The following ACIN1 variants were observed in gnomAD, a reference collection of about 807,000 sequenced individuals.
ACIN1 encodes the protein apoptotic chromatin condensation inducer 1.
Under a neutral mutation model 146.6 loss-of-function variants are expected in ACIN1, and 16 were observed. The ratio of observed to expected loss-of-function variants is 0.11; its 90% confidence interval spans 0.07 to 0.17. ACIN1 has a LOEUF of 0.17. ACIN1 is among the 10% of genes least tolerant of loss of function. The pLI, the probability that ACIN1 is intolerant of heterozygous loss-of-function variation, is 1.00. For missense variants in ACIN1, 1,357 were observed against 1,609.3 expected (o/e 0.84, Z 2.68); for synonymous variants, 569 against 582.7 (o/e 0.98, Z 0.34).
intron 3 of ACIN1, 77 bp from the exon 4 acceptor site, chr14:23,090,178 A>G: frequency 6.5e-7 from 1 of 1,539,004 alleles, no homozygotes; most frequent in Non-Finnish European, 8.8e-7. Flanking sequence ...GGAGTGAAGG[A>G]GGTCAGGCAA....
At chr14:23,081,918 C>A in intron 4 of ACIN1, 82 bp from the exon 5 acceptor site, 1 of 1,099,158 alleles carries the variant, frequency 9.1e-7, no homozygotes, top group East Asian at 2.4e-5. Flanking sequence ...TTTCTAATAT[C>A]CAACCAATTA....
At position 23,080,660 on chromosome 14, in the gene ACIN1, A is replaced by C; in HGVS notation, c.675T>G (p.Asp225Glu). ...EEEEEEEEED[D>E]EEEEGDDEGQ... The stretch of plus-strand genomic sequence containing the variant: ...CCTCATCATCACCTTCCTCTTCTTC[A>C]TCATCTTCTTCCTCCTCCTCCTCCT... The change falls in exon 6 of 19, where the codon GAT (aspartate) becomes GAG (glutamate). Residue 225 changes from aspartate (D) to glutamate (E), a missense_variant. This residue lies in a region of ACIN1 where 771 missense variants were observed against 746.6 expected (regional missense o/e 1.03). Coordinates refer to ENST00000605057, the MANE Select transcript of ACIN1 (RefSeq NM_001386863.1). 6.2e-7 allele frequency: 1 copy of C among 1,611,864 alleles called. No homozygotes were observed. The highest frequency in any genetic ancestry group is 1.1e-5 in the South Asian group (1 of 91,012).
chr14:23,090,208 C>T (rs1477670102), intron 3 of ACIN1, 107 bp from the exon 4 acceptor site: 8 of 1,445,508 alleles, frequency 5.5e-6, no homozygotes, highest in Non-Finnish European at 7.4e-6. Flanking sequence ...TACAGAGATA[C>T]ATACCAAAAA....
chr14:23,063,956 G>T, intron 12 of ACIN1, 149 bp downstream of exon 12: 1 of 1,014,018 alleles, frequency 9.9e-7, no homozygotes, highest in Non-Finnish European at 1.4e-6. Context: ...AGCTGGATTT[G>T]GTAGTCTGAC....
chr14:23,077,808 T>C (rs2047838652), intron 8 of ACIN1: 1 of 162,702 alleles, frequency 6.1e-6, no homozygotes, highest in African/African-American at 2.4e-5. Flanking sequence ...ACTGGGTTCC[T>C]AGGTAAACAT....
At position 23,079,673 on chromosome 14, in the gene ACIN1, T is replaced by A. The variant is rs764442558; in HGVS notation, c.1662A>T (p.Arg554Ser). 4.3e-6 allele frequency: 7 copies of A among 1,614,018 alleles called. No individual in the cohort carries two copies. In the Admixed American group the frequency reaches 1.0e-4, roughly 23 times the overall value. The change falls in exon 6 of 19, where the codon AGA becomes AGT. Residue 554 changes from arginine (R) to serine (S), a missense_variant. Physicochemically the swap from Arg to Ser is moderately radical, Grantham distance 110. Around this residue, in one of 4 missense-constraint regions of ACIN1, gnomAD observed 771 missense variants for 746.6 expected, o/e 1.03. Coordinates refer to ENST00000605057, the MANE Select transcript of ACIN1 (RefSeq NM_001386863.1). ...CATGAGTACGTGCCTGGGCTACATC[T>A]CTCTGCTTGGATCTGAGCGGTGAAT... ...RSHSPLRSKQ[R>S]DVAQARTHAN...
At position 23,080,636 on chromosome 14, in the gene ACIN1, C is replaced by T. The variant is rs1555373819; in HGVS notation, c.699G>A (p.Glu233=). 1.9e-5 allele frequency: 30 copies of T among 1,613,776 alleles called. 1 individual carries two copies. The South Asian group carries it at 3.3e-4, about 18-fold the overall frequency. The part of the protein sequence containing the change: ...EDDEEEEGDD[E]GQKSREAPIL... Reference sequence around the variant, plus strand: ...TTGGTGCCTCCCTAGATTTTTGTCCCTCATCATCACCTTCCTCTTCTTCAT... The same window carrying T: ...TTGGTGCCTCCCTAGATTTTTGTCCTTCATCATCACCTTCCTCTTCTTCAT... The change falls in exon 6 of 19, where the codon GAG becomes GAA. Residue 233 remains glutamate (E), a synonymous_variant. Transcript: ENST00000605057.
rs142652846 is a variant in ACIN1 at position 23,079,072 on chromosome 14, T to C, written c.1789-34A>G. ...AAATGAAACACATAACAAGGAAAAT[T>C]ATTGTATATGGTATATATTCAGTAG... On this transcript the variant is annotated intron_variant, in intron 6 of 18. Transcript: ENST00000605057. 2.2e-3 allele frequency: 3,424 copies of C among 1,589,180 alleles called. 10 individuals are homozygous for C. The highest frequency in any genetic ancestry group is 0.016 in the Middle Eastern group (93 of 5,972).
chr14:23,068,450 GTTC>G lies in ACIN1; in HGVS notation c.2265+1023_2265+1025del, dbSNP rs1013828559. On this transcript the variant is annotated intron_variant, in intron 9 of 18. Transcript: ENST00000605057. This position sits in a 1 kb window ranked among gnomAD's most constrained non-coding sequence, Gnocchi z 4.3. ...TCAATACAAGTCTCTCCAGAACAGT[GTTC>G]TTCTTGGCCCCCTGATGTAAGCAAG... The G allele has an allele frequency of 8.1e-6, 8 of 985,792 alleles. No homozygotes were observed. Among genetic ancestry groups the G allele is most frequent in the African/African-American group, 5.2e-5 (3 of 57,244 alleles). 61.1% of individuals were successfully genotyped at this position (985,792 alleles called of 1,614,324 possible). A position where few individuals can be genotyped will look rare whatever the true frequency, so the allele number is the denominator to read the frequency against.
intron 4 of ACIN1, among the ~76,000 whole-genome samples, chr14:23,086,754 T>C (rs1349743086): frequency 2.0e-5 from 3 of 152,160 alleles, no homozygotes; most frequent in South Asian, 2.1e-4. Flanking sequence ...GGATTACAGG[T>C]GTGAGACACC....
chr14:23,062,595 C>G, intron 14 of ACIN1, 72 bp from the exon 15 acceptor site: 4 of 1,398,974 alleles, frequency 2.9e-6, no homozygotes, highest in Non-Finnish European at 4.1e-6. Flanking sequence ...ATTTCCCGAG[C>G]TGCTGTCACA....
Position 23,061,492 on chromosome 14 carries a change from T to C in ACIN1, c.3230A>G (p.Gln1077Arg). 1 of 1,353,368 alleles carries C rather than the reference T, an allele frequency of 7.4e-7. No homozygotes were observed. Among genetic ancestry groups the C allele is most frequent in the Non-Finnish European group, 9.8e-7 (1 of 1,018,616 alleles). 83.8% of individuals were successfully genotyped at this position (1,353,368 alleles called of 1,614,324 possible). A position where few individuals can be genotyped will look rare whatever the true frequency, so the allele number is the denominator to read the frequency against. Residue 1077 changes from glutamine to arginine, a missense_variant, in exon 17 of 19, where the codon CAG becomes CGG. Around this residue, in one of 4 missense-constraint regions of ACIN1, gnomAD observed 509 missense variants for 719.6 expected, o/e 0.71. Transcript: ENST00000605057. ...CCGCACTGCCCGTTCCTGCTCCCGCTGCTCTGCCCGGGGGTGCTGTGGTGG... is the reference window on the plus strand; with the variant it reads ...CCGCACTGCCCGTTCCTGCTCCCGCCGCTCTGCCCGGGGGTGCTGTGGTGG... ...VQPPQHPRAE[Q>R]REQERAVREQ...
At chr14:23,066,192 G>A (rs1175460732) in intron 9 of ACIN1, 184 bp from the exon 10 acceptor site, 5 of 548,566 alleles carry the variant, frequency 9.1e-6, no homozygotes, top group Admixed American at 3.4e-5. Context: ...CGGCAAAAAC[G>A]AAGCAGAATC....
rs1277512339 is a variant in ACIN1, at chr14:23,067,190, A to G, written c.2266-1182T>C. On this transcript the variant is annotated intron_variant, in intron 9 of 18. Transcript: ENST00000605057. The surrounding 1 kb of genome is among the most constrained non-coding windows in gnomAD (Gnocchi z 4.6). ...GGAAAAACATGAACCAAATAAATAA[A>G]TAAAAGAAATCAGAAAAAATAAAGA... The G allele has an allele frequency of 4.3e-6, 3 of 694,496 alleles. No individual in the cohort carries two copies. Among genetic ancestry groups the G allele is most frequent in the Non-Finnish European group, 5.3e-6 (3 of 564,722 alleles). The allele number at this position is 694,496 out of a possible 1,614,324, so 43.0% of individuals were successfully genotyped here.
At chr14:23,095,613 A>G (rs552674221), upstream of ACIN1, 19 of 331,452 alleles carry the variant, frequency 5.7e-5, no homozygotes, top group Admixed American at 7.4e-4. Flanking sequence ...TCGAGAGAAA[A>G]GGGGAGGTAA....
At chr14:23,061,266 T>G in intron 17 of ACIN1, 32 bp downstream of exon 17, 1 of 1,613,652 alleles carries the variant, frequency 6.2e-7, no homozygotes, top group Non-Finnish European at 8.5e-7. Context: ...CACCTACTAG[T>G]GGGTATGCGT....
chr14:23,061,589 G>T lies in ACIN1; in HGVS notation c.3133C>A (p.Pro1045Thr), dbSNP rs370910201. ...TGCTCCTCTGTCTTAGTTTCAGAGGGACGGTCCACCAAGAGGCCTCGGTGA... is the reference window on the plus strand; with the variant it reads ...TGCTCCTCTGTCTTAGTTTCAGAGGTACGGTCCACCAAGAGGCCTCGGTGA... Reference protein sequence around the residue: ...DYHRGLLVDRPSETKTEEQGI... With the variant: ...DYHRGLLVDRTSETKTEEQGI... The change falls in exon 17 of 19, where the codon CCC (proline) becomes ACC (threonine). Residue 1045 changes from proline (P) to threonine (T), a missense_variant. Pro to Thr is a conservative substitution (Grantham distance 38, BLOSUM62 -1). Around this residue, in one of 4 missense-constraint regions of ACIN1, gnomAD observed 509 missense variants for 719.6 expected, o/e 0.71. Coordinates refer to ENST00000605057, the MANE Select transcript of ACIN1 (RefSeq NM_001386863.1). 4.5e-6 allele frequency: 7 copies of T among 1,552,058 alleles called. 1 individual carries two copies. The African/African-American group carries it at 8.2e-5, about 18-fold the overall frequency.
At chr14:23,095,452 G>T, upstream of ACIN1, 1 of 1,007,782 alleles carries the variant, frequency 9.9e-7, no homozygotes, top group East Asian at 2.7e-5. Context: ...CGGACCTAGA[G>T]ATGAGGCGCT....
In ACIN1 at chr14:23,081,306, A is replaced by G. The variant is rs535565838; in HGVS notation, c.525+442T>C. 7.2e-5 allele frequency among the ~76,000 whole-genome samples: 11 copies of G among 152,368 alleles called. No homozygotes were observed. In the East Asian group the frequency reaches 7.7e-4, roughly 11 times the overall value. On this transcript the variant is annotated intron_variant, in intron 5 of 18. Coordinates refer to ENST00000605057, the MANE Select transcript of ACIN1 (RefSeq NM_001386863.1). ...CTTTGATTGAATGGTTAATTATGTC[A>G]TATCTTGTCTAATAATGTGCTTTAA...
Sources: allele counts gnomAD v4.1 joint callset (sites outside exome capture counted in the v4.1 genomes callset), GRCh38; gene constraint gnomAD v4.1.1; regional missense constraint gnomAD v4.1.1; non-coding constraint Gnocchi (gnomAD v3.1); transcripts MANE v1.5; gene names NCBI Gene and HGNC (gene_info 2026-07-23, HGNC 2026-07-21).